RYR2: variants seen among roughly 807,000 people sequenced by gnomAD.
RYR2 encodes the protein cardiac muscle ryanodine receptor-calcium release channel.
RYR2 carries 227 observed loss-of-function variants against 601.1 expected under a neutral mutation model. The observed-to-expected ratio is 0.38, with a 90% confidence interval of 0.34 to 0.42. The LOEUF (loss-of-function observed/expected upper bound fraction) is 0.42. Ranked by LOEUF, RYR2 falls within the 10% of genes least tolerant of loss-of-function variation. RYR2 has a pLI of 1.00. For synonymous variants in RYR2, 2,223 were observed against 2,175.1 expected (o/e 1.02, Z -0.61); for missense variants, 4,646 against 6,156.5 (o/e 0.75, Z 8.21).
At chr1:237,264,414 A>G (rs569201224) in intron 1 of RYR2, among the ~76,000 whole-genome samples, 1 of 152,282 alleles carries the variant, frequency 6.6e-6, no homozygotes, top group African/African-American at 2.4e-5. Context: ...TATTTGGCCA[A>G]TCCTCAGTAT....
intron 48 of RYR2, among the ~76,000 whole-genome samples, chr1:237,645,744 A>T (rs942657167): frequency 6.6e-6 from 1 of 152,062 alleles, no homozygotes; most frequent in African/African-American, 2.4e-5. Context: ...TTCTTCAAAT[A>T]TATGCAGTAT....
intron 1 of RYR2, among the ~76,000 whole-genome samples, chr1:237,217,856 C>A (rs765691940): frequency 6.6e-6 from 1 of 152,180 alleles, no homozygotes; most frequent in Non-Finnish European, 1.5e-5. Context: ...CAGACGCAAG[C>A]TTTGCTGTAT....
chr1:237,602,746 C>G (rs576321693), intron 35 of RYR2, among the ~76,000 whole-genome samples: 8 of 152,232 alleles, frequency 5.3e-5, no homozygotes, highest in African/African-American at 1.9e-4. Context: ...TTGAAAAGGT[C>G]TTGTGTGCCA....
intron 44 of RYR2, among the ~76,000 whole-genome samples, chr1:237,635,361 T>A (rs1019538164): frequency 6.6e-6 from 1 of 152,198 alleles, no homozygotes; most frequent in Non-Finnish European, 1.5e-5. Context: ...TATGTGTTTT[T>A]TTCTTTTCGT....
At chr1:237,733,635 C>A in intron 78 of RYR2, 70 bp from the exon 79 acceptor site, 1 of 944,546 alleles carries the variant, frequency 1.1e-6, no homozygotes, top group Non-Finnish European at 1.7e-6. Context: ...TTATTTTAAG[C>A]AGCGATGATA....
Position 237,792,259 on chromosome 1 carries a change from G to A in RYR2, c.13718G>A (p.Arg4573His), listed in dbSNP as rs371157286. ...AGCGGCTACATGGAGCCCACGTTGC[G>A]TATCTTAGCTATTCTGCACACGGTC... ...ESSGYMEPTL[R>H]ILAILHTVIS... The change falls in exon 94 of 105, where the codon CGT becomes CAT. Residue 4573 changes from arginine to histidine, a missense_variant. By Grantham distance (29) the Arg-to-His change is conservative. This residue lies in a region of RYR2 where 364 missense variants were observed against 442.9 expected (regional missense o/e 0.82). Coordinates refer to ENST00000366574, the MANE Select transcript of RYR2 (RefSeq NM_001035.3). The A allele has an allele frequency of 4.2e-5, 68 of 1,613,638 alleles. 1 individual carries two copies. Among genetic ancestry groups the A allele is most frequent in the Middle Eastern group, 3.3e-4 (2 of 6,084 alleles).
At chr1:237,604,506 A>G (rs913612339) in intron 35 of RYR2, among the ~76,000 whole-genome samples, 2 of 152,222 alleles carry the variant, frequency 1.3e-5, no homozygotes, top group Non-Finnish European at 2.9e-5. Context: ...ATCGCAATTC[A>G]AAGAACTAGA....
intron 3 of RYR2, among the ~76,000 whole-genome samples, chr1:237,344,830 CAG>C (rs1698155464): frequency 6.6e-6 from 1 of 151,960 alleles, no homozygotes; most frequent in African/African-American, 2.4e-5. Flanking sequence ...TTTTTTGAGA[CAG>C]AGTCTCGCTC....
Position 237,618,600 on chromosome 1 carries a change from G to A in RYR2, c.5916+1114G>A, listed in dbSNP as rs147683605. ...ATAGACAAGAAAAGCTGCAACAAAA[G>A]CCTCCTCTTTCTAGATAAAGGATCA... On this transcript the variant is annotated intron_variant, in intron 38 of 104. Transcript: ENST00000366574. Among the ~76,000 whole-genome samples the A allele has an allele frequency of 3.5e-3, 527 of 152,248 alleles. 6 individuals are homozygous for A. The highest frequency in any genetic ancestry group is 0.012 in the African/African-American group (510 of 41,552).
At chr1:237,613,557 G>C (rs1678127081) in intron 36 of RYR2, among the ~76,000 whole-genome samples, 1 of 152,122 alleles carries the variant, frequency 6.6e-6, no homozygotes, top group South Asian at 2.1e-4. Context: ...ACAGATCCTT[G>C]ATACAATGGA....
At chr1:237,125,133 A>G (rs1671267174) in intron 1 of RYR2, among the ~76,000 whole-genome samples, 1 of 152,204 alleles carries the variant, frequency 6.6e-6, no homozygotes, top group Admixed American at 6.5e-5. Context: ...GAGGGTAACA[A>G]TGAGTTTTGA....
chr1:237,062,435 C>T (rs1002958229), intron 1 of RYR2, among the ~76,000 whole-genome samples: 1 of 152,014 alleles, frequency 6.6e-6, no homozygotes, highest in African/African-American at 2.4e-5. Context: ...CTTAGTTTTC[C>T]ATGAAAGACT....
chr1:237,513,930 G>A (rs1257299988), intron 24 of RYR2, among the ~76,000 whole-genome samples: 1 of 152,144 alleles, frequency 6.6e-6, no homozygotes, highest in African/African-American at 2.4e-5. Context: ...TTAGGCATAA[G>A]ATTGAGCTTA....
At chr1:237,373,582 A>C (rs1700807387) in intron 6 of RYR2, among the ~76,000 whole-genome samples, 1 of 152,202 alleles carries the variant, frequency 6.6e-6, no homozygotes, top group South Asian at 2.1e-4. Context: ...CTTACAACAC[A>C]TTCATCTTTG....
At chr1:237,309,375 T>C (rs1205433900) in intron 2 of RYR2, among the ~76,000 whole-genome samples, 2 of 151,514 alleles carry the variant, frequency 1.3e-5, no homozygotes, top group Non-Finnish European at 2.9e-5. Flanking sequence ...TGCTGATTGG[T>C]GTATTTACAA....
chr1:237,681,654 C>T (rs1440603794), intron 62 of RYR2, among the ~76,000 whole-genome samples: 1 of 152,178 alleles, frequency 6.6e-6, no homozygotes, highest in Non-Finnish European at 1.5e-5. Context: ...CCACAAATTG[C>T]TGCCACATGG....
At chr1:237,571,759 A>G (rs556630185) in intron 29 of RYR2, among the ~76,000 whole-genome samples, 5 of 152,370 alleles carry the variant, frequency 3.3e-5, no homozygotes, top group African/African-American at 9.6e-5. Context: ...TGCAAAGATA[A>G]TAGGAATTTT....
At chr1:237,793,776 T>C in intron 94 of RYR2, 91 bp from the exon 95 acceptor site, 1 of 974,380 alleles carries the variant, frequency 1.0e-6, no homozygotes, top group South Asian at 1.5e-5. Context: ...CAGGAAATAT[T>C]TCTTTCCAAA....
chr1:237,731,542 G>A (rs901664798), intron 77 of RYR2, among the ~76,000 whole-genome samples: 21 of 152,134 alleles, frequency 1.4e-4, no homozygotes, highest in African/African-American at 4.6e-4. Context: ...GGGTGACTCA[G>A]GATTTTATTG....
Sources: allele counts gnomAD v4.1 joint callset (sites outside exome capture counted in the v4.1 genomes callset), GRCh38; gene constraint gnomAD v4.1.1; regional missense constraint gnomAD v4.1.1; transcripts MANE v1.5; gene names NCBI Gene and HGNC (gene_info 2026-07-23, HGNC 2026-07-21).